SUGCT: variants seen among roughly 807,000 people sequenced by gnomAD.
SUGCT encodes the protein succinyl-CoA:glutarate-CoA transferase.
SUGCT carries 41 observed loss-of-function variants against 55.0 expected under a neutral mutation model. The ratio of observed to expected loss-of-function variants is 0.74; its 90% CI spans 0.58 to 0.97. SUGCT has a LOEUF of 0.97. Ranked by LOEUF, SUGCT falls within the 50% of genes least tolerant of loss-of-function variation. The pLI, the probability that SUGCT is intolerant of heterozygous loss-of-function variation, is 0.00. For synonymous variants in SUGCT, 187 were observed against 200.4 expected (o/e 0.93, Z 0.56); for missense variants, 568 against 547.8 (o/e 1.04, Z -0.37).
intron 13 of SUGCT, among the ~76,000 whole-genome samples, chr7:40,854,480 TTCTC>T (rs763403620): frequency 1.6e-3 from 196 of 123,366 alleles, no homozygotes; most frequent in African/African-American, 5.8e-3. Context: ...TTCTTTCTCT[TTCTC>T]TCTTTCTTTC....
intron 6 of SUGCT, among the ~76,000 whole-genome samples, chr7:40,219,752 A>G (rs1202872563): frequency 6.6e-6 from 1 of 152,226 alleles, no homozygotes; most frequent in African/African-American, 2.4e-5. Flanking sequence ...AAAACTTCTT[A>G]TCACCAAAGG....
At chr7:40,307,124 G>A (rs1284211037) in intron 8 of SUGCT, among the ~76,000 whole-genome samples, 1 of 151,928 alleles carries the variant, frequency 6.6e-6, no homozygotes, top group Non-Finnish European at 1.5e-5. Flanking sequence ...TTTTTTCTTT[G>A]GTAAGTAAAT....
At chr7:40,260,876 C>A (rs1791179051) in intron 7 of SUGCT, among the ~76,000 whole-genome samples, 1 of 151,710 alleles carries the variant, frequency 6.6e-6, no homozygotes, top group African/African-American at 2.4e-5. Context: ...GGTGATCCAC[C>A]CACCTTGGCC....
At chr7:40,980,366 G>GC in the SUGCT span, among the ~76,000 whole-genome samples, 1 of 151,894 alleles carries the variant, frequency 6.6e-6, no homozygotes, top group African/African-American at 2.4e-5. Context: ...CATCCCTTTT[G>GC]CCCCCCCAAA....
chr7:40,241,443 G>A (rs1387587086), intron 7 of SUGCT, among the ~76,000 whole-genome samples: 2 of 151,614 alleles, frequency 1.3e-5, no homozygotes, highest in East Asian at 1.9e-4. Context: ...GCTGGGCATC[G>A]TGGCACATGC....
rs148610427 is a variant in SUGCT at position 40,627,594 on chromosome 7, G to A, written c.1090-121840G>A. Among the ~76,000 whole-genome samples, 48 of 152,126 alleles carry A rather than the reference G, an allele frequency of 3.2e-4. No homozygotes were observed. In the East Asian group the frequency reaches 8.1e-3, roughly 26 times the overall value. ...GTTGCAGACAGCAGGCTGAAGTGAA[G>A]TTTCAAAGTTACACTCCTATGAAAA... On this transcript the variant is annotated intron_variant, in intron 12 of 13. Transcript: ENST00000335693.
rs182607756 is a variant in SUGCT at position 40,270,584 on chromosome 7, A to T, written c.577-3929A>T. Among the ~76,000 whole-genome samples the T allele has an allele frequency of 9.7e-4, 148 of 152,356 alleles. 1 individual carries two copies. Among genetic ancestry groups the T allele is most frequent in the Non-Finnish European group, 1.8e-3 (122 of 68,012 alleles). ...GTTTATATGTCTGCCTTCCACCAGT[A>T]CCATGCTGCCTTTATTACAGTAGCT... On this transcript the variant is annotated intron_variant, in intron 7 of 13. Transcript: ENST00000335693.
chr7:40,527,843 T>C (rs1414831047), intron 12 of SUGCT, among the ~76,000 whole-genome samples: 2 of 152,232 alleles, frequency 1.3e-5, no homozygotes, highest in African/African-American at 4.8e-5. Flanking sequence ...GGAATTATTA[T>C]GCATGCCAAC....
intron 9 of SUGCT, among the ~76,000 whole-genome samples, chr7:40,412,349 T>C (rs1583624251): frequency 2.0e-5 from 3 of 152,314 alleles, no homozygotes; most frequent in Admixed American, 2.0e-4. Context: ...AAGACAAACT[T>C]TAACTAGGAA....
At chr7:40,287,976 A>G (rs1793465216) in intron 8 of SUGCT, among the ~76,000 whole-genome samples, 1 of 152,186 alleles carries the variant, frequency 6.6e-6, no homozygotes, top group Admixed American at 6.5e-5. Flanking sequence ...TTGATTAACA[A>G]TTGACATTGA....
intron 12 of SUGCT, among the ~76,000 whole-genome samples, chr7:40,656,673 C>A (rs535401732): frequency 6.6e-6 from 1 of 152,280 alleles, no homozygotes; most frequent in South Asian, 2.1e-4. Context: ...AGACTGAAAT[C>A]AAATTTGGAC....
At chr7:40,452,162 T>C (rs999316648) in intron 10 of SUGCT, among the ~76,000 whole-genome samples, 4 of 152,228 alleles carry the variant, frequency 2.6e-5, no homozygotes, top group African/African-American at 9.6e-5. Flanking sequence ...GAATATTGGG[T>C]TCAAGTCTGA....
chr7:40,405,428 A>G (rs1454564295), intron 9 of SUGCT, among the ~76,000 whole-genome samples: 1 of 152,172 alleles, frequency 6.6e-6, no homozygotes, highest in Non-Finnish European at 1.5e-5. Context: ...TAGCATTTGA[A>G]CATGTTTTAA....
At chr7:40,715,863 C>T (rs1434508142) in intron 12 of SUGCT, among the ~76,000 whole-genome samples, 1 of 152,214 alleles carries the variant, frequency 6.6e-6, no homozygotes, top group African/African-American at 2.4e-5. Flanking sequence ...CCTGTTTCCT[C>T]TTGGACCATA....
chr7:40,948,448 GAT>G, the SUGCT span, among the ~76,000 whole-genome samples: 42 of 151,356 alleles, frequency 2.8e-4, no homozygotes, highest in Admixed American at 5.9e-4. Flanking sequence ...TGATGATGAT[GAT>G]GATGATGATG....
chr7:40,326,613 GC>G (rs1249733150), intron 9 of SUGCT, among the ~76,000 whole-genome samples: 2 of 152,088 alleles, frequency 1.3e-5, no homozygotes, highest in Non-Finnish European at 2.9e-5. Flanking sequence ...GGAAATTGTA[GC>G]CTTCAGCTCA....
intron 12 of SUGCT, among the ~76,000 whole-genome samples, chr7:40,628,156 A>G (rs1296399095): frequency 6.6e-6 from 1 of 152,244 alleles, no homozygotes; most frequent in Non-Finnish European, 1.5e-5. Context: ...CCATATCCAC[A>G]TATCTGTTAT....
At chr7:40,502,487 A>T (rs914540431) in intron 12 of SUGCT, among the ~76,000 whole-genome samples, 1 of 152,066 alleles carries the variant, frequency 6.6e-6, no homozygotes, top group Non-Finnish European at 1.5e-5. Flanking sequence ...TAAAAATAAA[A>T]TAGCAAAATT....
At chr7:40,984,941 A>G in the SUGCT span, among the ~76,000 whole-genome samples, 1 of 152,178 alleles carries the variant, frequency 6.6e-6, no homozygotes, top group Admixed American at 6.5e-5. Flanking sequence ...GTTTGGTGAT[A>G]TGCTAATCAA....
Sources: allele counts gnomAD v4.1 joint callset (sites outside exome capture counted in the v4.1 genomes callset), GRCh38; gene constraint gnomAD v4.1.1; transcripts MANE v1.5; gene names NCBI Gene and HGNC (gene_info 2026-07-23, HGNC 2026-07-21).